Variants in MAGI2 observed in about 807,000 individuals in gnomAD.
The protein encoded by MAGI2 is membrane-associated guanylate kinase, WW and PDZ domain-containing protein 2.
In MAGI2, 35 loss-of-function variants were observed where a neutral mutation model predicts 133.3. That is an observed-to-expected ratio of 0.26 (90% CI 0.20 to 0.35). The LOEUF is 0.35. MAGI2 is among the 10% of genes least tolerant of loss of function. MAGI2 has a pLI of 1.00. For synonymous variants in MAGI2, 729 were observed against 710.6 expected (o/e 1.03, Z -0.41); for missense variants, 1,636 against 1,863.4 (o/e 0.88, Z 2.25).
At position 78,329,608 on chromosome 7, in the gene MAGI2, T is replaced by G. The variant is rs74647969; in HGVS notation, c.1408+14170A>C. Among the ~76,000 whole-genome samples, 9 of 152,380 alleles carry G rather than the reference T, an allele frequency of 5.9e-5. No homozygotes were observed. In the East Asian group the frequency reaches 1.7e-3, roughly 29 times the overall value. Reference sequence around the variant, plus strand: ...TTCTCTTAGCAGAAACATTTACTTTTCTTCATGCATACTCCAACTATCTTA... The same window carrying G: ...TTCTCTTAGCAGAAACATTTACTTTGCTTCATGCATACTCCAACTATCTTA... On this transcript the variant is annotated intron_variant, in intron 9 of 21. Coordinates refer to ENST00000354212, the MANE Select transcript of MAGI2 (RefSeq NM_012301.4).
intron 2 of MAGI2, among the ~76,000 whole-genome samples, chr7:78,704,347 G>A (rs1818385993): frequency 6.6e-6 from 1 of 152,084 alleles, no homozygotes. Context: ...TTAGAGAAAT[G>A]CAGATCAAAA....
intron 21 of MAGI2, chr7:78,072,727 C>CTGGT: frequency 2.5e-6 from 1 of 395,554 alleles, no homozygotes; most frequent in Non-Finnish European, 4.5e-6. Flanking sequence ...GTCGCCCAGG[C>CTGGT]TGGTGTGCAG....
intron 1 of MAGI2, among the ~76,000 whole-genome samples, chr7:79,082,281 G>T (rs1816109776): frequency 6.6e-6 from 1 of 152,038 alleles, no homozygotes; most frequent in African/African-American, 2.4e-5. Context: ...TGATATCTAA[G>T]AAAGCATTGC....
intron 6 of MAGI2, among the ~76,000 whole-genome samples, chr7:78,393,153 C>T (rs1380175126): frequency 6.6e-6 from 1 of 152,136 alleles, no homozygotes; most frequent in East Asian, 1.9e-4. Context: ...GAATGCTCCA[C>T]AGCACAAGTC....
At chr7:78,617,626 C>A (rs143019995) in intron 3 of MAGI2, 1 of 151,928 alleles carries the variant, frequency 6.6e-6, no homozygotes, top group African/African-American at 2.4e-5. Context: ...ACATAAGCAG[C>A]GGAGTATTTT....
intron 1 of MAGI2, among the ~76,000 whole-genome samples, chr7:79,111,293 A>C (rs1056783458): frequency 6.6e-5 from 10 of 152,170 alleles, no homozygotes; most frequent in Non-Finnish European, 1.5e-4. Context: ...ACTCATTTCA[A>C]AATTACTTTT....
rs144547259 is a variant in MAGI2, at chr7:78,517,442, C to G, written c.754+3988G>C. Among the ~76,000 whole-genome samples the G allele has an allele frequency of 5.4e-3, 828 of 152,234 alleles. 8 individuals carry two copies. Among genetic ancestry groups the G allele is most frequent in the African/African-American group, 0.019 (786 of 41,546 alleles). ...GGAGAGCGGATGAGTTCAGGTATTA[C>G]TAGATCCAAATCTCAACTCGCCAGT... On this transcript the variant is annotated intron_variant, in intron 4 of 21. Transcript: ENST00000354212.
At chr7:78,994,004 G>T (rs1201834270) in intron 2 of MAGI2, among the ~76,000 whole-genome samples, 1 of 152,066 alleles carries the variant, frequency 6.6e-6, no homozygotes, top group East Asian at 1.9e-4. Context: ...AGGAACCAGG[G>T]AGGAAGCTGG....
intron 1 of MAGI2, among the ~76,000 whole-genome samples, chr7:79,205,114 T>C (rs1157704192): frequency 6.6e-6 from 1 of 151,340 alleles, no homozygotes; most frequent in African/African-American, 2.4e-5. Context: ...CAAATATCCG[T>C]GCATTAGGAA....
At chr7:79,374,550 T>C (rs946136342) in intron 1 of MAGI2, among the ~76,000 whole-genome samples, 2 of 151,980 alleles carry the variant, frequency 1.3e-5, no homozygotes, top group Non-Finnish European at 2.9e-5. Context: ...GCCATTTAGT[T>C]AATGGTACTT....
At position 79,444,465 on chromosome 7, in the gene MAGI2, T is replaced by G. The variant is rs1848708270; in HGVS notation, c.301+8555A>C. On this transcript the variant is annotated intron_variant, in intron 1 of 21. Coordinates refer to ENST00000354212, the MANE Select transcript of MAGI2 (RefSeq NM_012301.4). ...AAGCTGATAAGCAACTTCAGCAAAG[T>G]CTCAGCATACAAAATCAATGTGCAA... is the stretch of plus-strand genomic sequence containing the variant. Among the ~76,000 whole-genome samples, 6 of 152,272 alleles carry G rather than the reference T, an allele frequency of 3.9e-5. No individual in the cohort carries two copies. The South Asian group carries it at 1.0e-3, about 26-fold the overall frequency.
At chr7:79,063,859 T>C (rs772917836) in intron 1 of MAGI2, among the ~76,000 whole-genome samples, 2 of 152,268 alleles carry the variant, frequency 1.3e-5, no homozygotes, top group East Asian at 3.9e-4. Context: ...TAGTAAGTAC[T>C]AAAATTCTTA....
intron 1 of MAGI2, among the ~76,000 whole-genome samples, chr7:79,165,181 T>G (rs1009118411): frequency 1.3e-5 from 2 of 148,470 alleles, no homozygotes; most frequent in Admixed American, 1.3e-4. Context: ...TGTTTTTTGT[T>G]TTTTTTTTTT....
At chr7:78,513,139 A>G (rs1034034584) in intron 4 of MAGI2, among the ~76,000 whole-genome samples, 2 of 152,108 alleles carry the variant, frequency 1.3e-5, no homozygotes, top group East Asian at 3.8e-4. Context: ...TTTTTTAATC[A>G]GGAGCATAGT....
intron 1 of MAGI2, among the ~76,000 whole-genome samples, chr7:79,098,659 G>C (rs1220842319): frequency 6.6e-6 from 1 of 152,088 alleles, no homozygotes; most frequent in African/African-American, 2.4e-5. Flanking sequence ...ATTAATTTTT[G>C]TATATTGTTC....
chr7:79,131,065 T>C (rs1413101522), intron 1 of MAGI2, among the ~76,000 whole-genome samples: 1 of 152,122 alleles, frequency 6.6e-6, no homozygotes, highest in Admixed American at 6.5e-5. Flanking sequence ...TTTAGCTCTC[T>C]AGGAAAGGTG....
intron 2 of MAGI2, among the ~76,000 whole-genome samples, chr7:78,835,365 A>T (rs914884782): frequency 1.3e-5 from 2 of 152,236 alleles, no homozygotes; most frequent in Admixed American, 1.3e-4. Flanking sequence ...GCAGTTAATC[A>T]GCAACAGATG....
intron 2 of MAGI2, among the ~76,000 whole-genome samples, chr7:78,921,499 G>T (rs1799219377): frequency 6.6e-6 from 1 of 152,084 alleles, no homozygotes; most frequent in African/African-American, 2.4e-5. Context: ...TTTGTGAATA[G>T]TTTCAGAAAC....
In MAGI2 at chr7:79,195,879, G is replaced by A. The variant is rs1314503884; in HGVS notation, c.302-188673C>T. On this transcript the variant is annotated intron_variant, in intron 1 of 21. Coordinates refer to ENST00000354212, the MANE Select transcript of MAGI2 (RefSeq NM_012301.4). Reference sequence around the variant, plus strand: ...AGCCAGGCACAGAAAGACAAACACTGCATGATCTCACTCATATGTGGAATC... The same window carrying A: ...AGCCAGGCACAGAAAGACAAACACTACATGATCTCACTCATATGTGGAATC... Among the ~76,000 whole-genome samples, 3 of 151,878 alleles carry A rather than the reference G, an allele frequency of 2.0e-5. No homozygotes were observed. The East Asian group carries it at 5.8e-4, about 29-fold the overall frequency.
Sources: gnomAD v4.1 joint callset for allele counts (sites outside exome capture counted in the v4.1 genomes callset) on GRCh38, gnomAD v4.1.1 for gene constraint, MANE v1.5 for transcripts, NCBI Gene and HGNC (gene_info 2026-07-23, HGNC 2026-07-21) for gene names.